The following SLX4IP variants were observed in gnomAD, a reference collection of about 807,000 sequenced individuals.
The protein encoded by SLX4IP is protein SLX4IP.
SLX4IP carries 34 observed loss-of-function variants against 32.9 expected under a neutral mutation model. The observed-to-expected ratio is 1.03, with a 90% CI of 0.79 to 1.38. The LOEUF (loss-of-function observed/expected upper bound fraction) is 1.38, where lower values mean the gene tolerates loss of function less well. Among genes scored for constraint, SLX4IP ranks in the 40% most tolerant of loss-of-function variants. The probability of loss-of-function intolerance (pLI) is 0.00; values close to 1 mark genes in which losing one functional copy is unlikely to be tolerated. For missense variants in SLX4IP, 444 were observed against 479.0 expected (o/e 0.93, Z 0.68); for synonymous variants, 172 against 171.7 (o/e 1.00, Z -0.01).
chr20:10,519,264 T>G (rs1223168005), intron 2 of SLX4IP, among the ~76,000 whole-genome samples: 1 of 152,218 alleles, frequency 6.6e-6, no homozygotes, highest in African/African-American at 2.4e-5. Context: ...TCAGTAGTTT[T>G]TAGTATCTTC....
intron 4 of SLX4IP, among the ~76,000 whole-genome samples, chr20:10,573,973 A>T (rs1418487481): frequency 6.6e-6 from 1 of 152,234 alleles, no homozygotes; most frequent in Non-Finnish European, 1.5e-5. Flanking sequence ...TTTTTCAGGA[A>T]TGGGTAATTT....
intron 2 of SLX4IP, among the ~76,000 whole-genome samples, chr20:10,506,689 C>A (rs1742503350): frequency 1.3e-5 from 2 of 152,136 alleles, no homozygotes; most frequent in Non-Finnish European, 2.9e-5. Context: ...AGGGGTCTCA[C>A]ATTCTAGTAC....
At chr20:10,617,567 T>TAA (rs2067051495) in intron 6 of SLX4IP, among the ~76,000 whole-genome samples, 1 of 152,206 alleles carries the variant, frequency 6.6e-6, no homozygotes, top group East Asian at 1.9e-4. Context: ...CCTTGGTTTA[T>TAA]CCACAGTTTC....
rs539140382 is a variant in SLX4IP, at chr20:10,598,763, G to A, written c.316+11G>A. The A allele has an allele frequency of 2.5e-5, 41 of 1,613,298 alleles. No homozygotes were observed. The highest frequency in any genetic ancestry group is 1.2e-4 in the African/African-American group (9 of 74,910). On this transcript the variant is annotated intron_variant, in intron 5 of 7. Transcript: ENST00000334534. ...GCACACAGAATGCTGGTAAGAAGCC[G>A]ATTTCTTGGTTTGTCAGACATTTCA... is the stretch of plus-strand genomic sequence containing the variant.
chr20:10,598,609 G>C, intron 4 of SLX4IP, 66 bp from the exon 5 acceptor site: 1 of 1,427,332 alleles, frequency 7.0e-7, no homozygotes, highest in Non-Finnish European at 9.9e-7. Flanking sequence ...GGCAGGCACT[G>C]GGCTGAACTC....
chr20:10,486,815 C>T (rs2065578332), intron 2 of SLX4IP, among the ~76,000 whole-genome samples: 1 of 152,126 alleles, frequency 6.6e-6, no homozygotes, highest in African/African-American at 2.4e-5. Flanking sequence ...TCAACCCTAG[C>T]AAAGATTTCT....
intron 1 of SLX4IP, among the ~76,000 whole-genome samples, chr20:10,453,386 G>A (rs1271070328): frequency 6.6e-6 from 1 of 151,544 alleles, no homozygotes; most frequent in African/African-American, 2.4e-5. Flanking sequence ...CTGCACCTGC[G>A]CTTCTCCTGT....
chr20:10,515,307 A>G (rs771381258), intron 2 of SLX4IP, among the ~76,000 whole-genome samples: 1 of 151,386 alleles, frequency 6.6e-6, no homozygotes, highest in Non-Finnish European at 1.5e-5. Context: ...CTGTTCTCGA[A>G]CTCCTGATCT....
intron 2 of SLX4IP, among the ~76,000 whole-genome samples, chr20:10,550,258 C>T (rs764121906): frequency 6.6e-6 from 1 of 152,148 alleles, no homozygotes; most frequent in African/African-American, 2.4e-5. Context: ...TTAATCTTTG[C>T]CTCGTTACTT....
At chr20:10,544,685 C>T (rs1253342711) in intron 2 of SLX4IP, among the ~76,000 whole-genome samples, 1 of 152,008 alleles carries the variant, frequency 6.6e-6, no homozygotes, top group Non-Finnish European at 1.5e-5. Context: ...CCATGCTCAG[C>T]CTTTTTTTTT....
intron 4 of SLX4IP, among the ~76,000 whole-genome samples, chr20:10,579,038 ATGG>A (rs1287009101): frequency 6.6e-6 from 1 of 151,862 alleles, no homozygotes; most frequent in African/African-American, 2.4e-5. Flanking sequence ...CATTTTCTTG[ATGG>A]TGGCCTTTGA....
intron 1 of SLX4IP, among the ~76,000 whole-genome samples, chr20:10,450,420 A>G (rs998962803): frequency 6.6e-6 from 1 of 152,190 alleles, no homozygotes; most frequent in African/African-American, 2.4e-5. Flanking sequence ...TTTCAGGACA[A>G]CCTTTATATA....
At chr20:10,581,702 G>A (rs1568753103) in intron 4 of SLX4IP, among the ~76,000 whole-genome samples, 1 of 152,128 alleles carries the variant, frequency 6.6e-6, no homozygotes, top group Non-Finnish European at 1.5e-5. Flanking sequence ...GATCATTTGA[G>A]AGCAGGAGTT....
chr20:10,438,582 A>G (rs1471434276), intron 1 of SLX4IP, among the ~76,000 whole-genome samples: 4 of 151,114 alleles, frequency 2.6e-5, no homozygotes, highest in South Asian at 4.2e-4. Context: ...AGTTCAAGCA[A>G]TTCTCCTGCC....
chr20:10,436,254 G>T (rs2065112913), intron 1 of SLX4IP, among the ~76,000 whole-genome samples: 1 of 148,892 alleles, frequency 6.7e-6, no homozygotes, highest in African/African-American at 2.6e-5. Flanking sequence ...TACACTTCAT[G>T]ACTCTCACCC....
intron 4 of SLX4IP, among the ~76,000 whole-genome samples, chr20:10,587,404 A>G (rs1267657588): frequency 6.6e-6 from 1 of 152,200 alleles, no homozygotes; most frequent in African/African-American, 2.4e-5. Flanking sequence ...TTAGCTTTAT[A>G]ATAAGGAGCA....
intron 2 of SLX4IP, among the ~76,000 whole-genome samples, chr20:10,509,337 G>T (rs1041333448): frequency 2.6e-5 from 4 of 152,180 alleles, no homozygotes; most frequent in African/African-American, 9.6e-5. Context: ...CTAAAGCCCT[G>T]AATGGAAAAT....
At chr20:10,476,753 A>G (rs1342192747) in intron 2 of SLX4IP, among the ~76,000 whole-genome samples, 1 of 152,160 alleles carries the variant, frequency 6.6e-6, no homozygotes, top group Non-Finnish European at 1.5e-5. Context: ...TGCAGAGATC[A>G]TGGGAGATGT....
At chr20:10,466,009 G>A (rs1175201026) in intron 2 of SLX4IP, among the ~76,000 whole-genome samples, 1 of 152,234 alleles carries the variant, frequency 6.6e-6, no homozygotes, top group Non-Finnish European at 1.5e-5. Context: ...TGTGGGGTAA[G>A]TTAGCAAGGC....
Sources: allele counts gnomAD v4.1 joint callset (sites outside exome capture counted in the v4.1 genomes callset), GRCh38; gene constraint gnomAD v4.1.1; transcripts MANE v1.5; gene names NCBI Gene and HGNC (gene_info 2026-07-23, HGNC 2026-07-21).